SHC1: variants seen among roughly 807,000 people sequenced by gnomAD.
SHC1 encodes SHC-transforming protein 1.
Under a neutral mutation model 55.9 loss-of-function variants are expected in SHC1, and 30 were observed. The ratio of observed to expected loss-of-function variants is 0.54; its 90% CI spans 0.40 to 0.73. The LOEUF (loss-of-function observed/expected upper bound fraction) is 0.73, where lower values mean the gene tolerates loss of function less well. Ranked by LOEUF, SHC1 falls within the 30% of genes least tolerant of loss-of-function variation. The probability of loss-of-function intolerance (pLI) is 0.00; values close to 1 mark genes in which losing one functional copy is unlikely to be tolerated. For synonymous variants in SHC1, 309 were observed against 306.1 expected, an observed-to-expected ratio of 1.01 and a Z score of -0.10; for missense variants, 675 against 777.1, an observed-to-expected ratio of 0.87 and a Z score of 1.56.
At chr1:154,966,123 A>G (rs765059880) in intron 9 of SHC1, 39 bp downstream of exon 9, 1 of 1,614,032 alleles carries the variant, frequency 6.2e-7, no homozygotes, top group South Asian at 1.1e-5. Context: ...CCCTGCCTCC[A>G]ACACTCCCCA....
chr1:154,970,662 G>C lies in SHC1; in HGVS notation c.-136C>G, dbSNP rs1309709265. 1.5e-5 allele frequency: 9 copies of C among 602,960 alleles called. No homozygotes were observed. Among genetic ancestry groups the C allele is most frequent in the Non-Finnish European group, 2.0e-5 (7 of 345,238 alleles). 37.4% of individuals were successfully genotyped at this position (602,960 alleles called of 1,614,324 possible). A position where few individuals can be genotyped will look rare whatever the true frequency, so the allele number is the denominator to read the frequency against. The stretch of plus-strand genomic sequence containing the variant: ...CCAGGAGTCACAGAAGTCCTGGGGA[G>C]GGAGAGGGACAAGTGGCTTCCGCTC... On this transcript the variant is annotated 5_prime_UTR_variant, in exon 1 of 12. Coordinates refer to ENST00000448116, the MANE Select transcript of SHC1 (RefSeq NM_001130040.2). The surrounding 1 kb of genome is among the most constrained non-coding windows in gnomAD (Gnocchi z 5.5).
rs555840936 is a variant in SHC1, at chr1:154,969,358, T to C, written c.566+20A>G. 1 of 1,579,520 alleles carries C rather than the reference T, an allele frequency of 6.3e-7. No individual in the cohort carries two copies. The highest frequency in any genetic ancestry group is 2.3e-5 in the East Asian group (1 of 44,386). ...CTCACTAATCCCAGGACTCCCACAA[T>C]CCACTCCCTCCCCACTAACCTGGTG... On this transcript the variant is annotated intron_variant, in intron 2 of 11. Coordinates refer to ENST00000448116, the MANE Select transcript of SHC1 (RefSeq NM_001130040.2).
In SHC1 at chr1:154,970,684, G is replaced by T; in HGVS notation, c.-158C>A. ...GGAGGGAGAGGGACAAGTGGCTTCC[G>T]CTCCCCAGCTCAGACCCAGACAGTT... On this transcript the variant is annotated 5_prime_UTR_variant, in exon 1 of 12. Transcript: ENST00000448116. The surrounding 1 kb of genome is among the most constrained non-coding windows in gnomAD (Gnocchi z 5.5). 1 of 559,280 alleles carries T rather than the reference G, an allele frequency of 1.8e-6. No individual in the cohort carries two copies. Among genetic ancestry groups the T allele is most frequent in the South Asian group, 2.2e-5 (1 of 44,742 alleles). The allele number at this position is 559,280 out of a possible 1,614,324, so 34.6% of individuals were successfully genotyped here.
At chr1:154,968,353 G>T in intron 4 of SHC1, 96 bp from the exon 5 acceptor site, 1 of 1,541,314 alleles carries the variant, frequency 6.5e-7, no homozygotes, top group Non-Finnish European at 9.0e-7. Flanking sequence ...CATTCTCTGG[G>T]TTCCTTATCC....
Position 154,968,017 on chromosome 1 carries a change from A to C in SHC1, c.819T>G (p.Tyr273Ter). The C allele has an allele frequency of 6.2e-7, 1 of 1,614,186 alleles. No homozygotes were observed. Among genetic ancestry groups the C allele is most frequent in the Non-Finnish European group, 8.5e-7 (1 of 1,180,024 alleles). ...CAGGGTCTTTGGCAACATAGGCGAC[A>C]TACTCGGCTGTGTCCTGGGGAGGAA... is the stretch of plus-strand genomic sequence containing the variant. ...ASGGDPDTAE[Y>*]VAYVAKDPVN... Residue 273 changes from tyrosine to a stop codon, truncating the protein, a stop_gained, in exon 6 of 12, where the codon TAT (tyrosine) becomes TAG (stop). Transcript: ENST00000448116. LOFTEE classifies it high-confidence loss of function.
intron 11 of SHC1, 148 bp downstream of exon 11, chr1:154,965,395 T>C: frequency 1.2e-6 from 2 of 1,608,710 alleles, no homozygotes; most frequent in Non-Finnish European, 1.7e-6. Flanking sequence ...TGGAGGAAGA[T>C]GCCAGACACT....
intron 1 of SHC1, 89 bp downstream of exon 1, chr1:154,969,943 G>T: frequency 1.4e-6 from 2 of 1,411,264 alleles, no homozygotes; most frequent in Non-Finnish European, 2.0e-6. Context: ...TTGGGGAACA[G>T]CAGGAAAAAA....
chr1:154,966,421 C>G lies in SHC1; in HGVS notation c.1080G>C (p.Leu360Phe), dbSNP rs763340317. 21 of 1,613,142 alleles carry G rather than the reference C, an allele frequency of 1.3e-5. No homozygotes were observed. Among genetic ancestry groups the G allele is most frequent in the African/African-American group, 2.7e-5 (2 of 74,908 alleles). Residue 360 changes from leucine to phenylalanine, a missense_variant, in exon 8 of 12, where the codon TTG becomes TTC. Leu to Phe is a conservative substitution (Grantham distance 22). Coordinates refer to ENST00000448116, the MANE Select transcript of SHC1 (RefSeq NM_001130040.2). ...YNDFPGKEPP[L>F]GGVVDMRLRE... ...GAAGCCTCATGTCTACCACCCCCCC[C>G]AAGGGGGGTTCCTTCCCCGGGAAGT...
rs1472420080 is a variant in SHC1 at position 154,965,668 on chromosome 1, C to CCTCAGCCTCCCGCCGG, written c.1485_1500dup (p.Ala501ProfsTer5). 1 of 1,614,210 alleles carries CCTCAGCCTCCCGCCGG rather than the reference C, an allele frequency of 6.2e-7. No homozygotes were observed. ...AAGTCCCCATTGAGCTGCAGCAGTG[C>CCTCAGCCTCCCGCCGG]CTCAGCCTCCCGCCGGCTCAGCTTC... On this transcript the variant is annotated stop_gained and frameshift_variant, in exon 11 of 12. Coordinates refer to ENST00000448116, the MANE Select transcript of SHC1 (RefSeq NM_001130040.2). LOFTEE classifies it high-confidence loss of function.
chr1:154,963,646 C>T lies in SHC1; in HGVS notation c.*157G>A, dbSNP rs1376765813. The T allele has an allele frequency of 1.2e-5, 8 of 672,676 alleles. No homozygotes were observed. The highest frequency in any genetic ancestry group is 8.7e-5 in the Admixed American group (3 of 34,396). 41.7% of individuals were successfully genotyped at this position (672,676 alleles called of 1,614,324 possible). Reference sequence around the variant, plus strand: ...TCTCACCCAGGCTTTTGACTCAAACCCTCTCACTCAGCTGGATATGAAACC... The same window carrying T: ...TCTCACCCAGGCTTTTGACTCAAACTCTCTCACTCAGCTGGATATGAAACC... On this transcript the variant is annotated 3_prime_UTR_variant, in exon 12 of 12. Transcript: ENST00000448116.
chr1:154,971,672 C>T (rs2102179862), upstream of SHC1, among the ~76,000 whole-genome samples: 1 of 152,352 alleles, frequency 6.6e-6, no homozygotes, highest in South Asian at 2.1e-4. Flanking sequence ...GCATCCTTCA[C>T]ACCAGGGAAG....
chr1:154,972,288 T>C (rs989523870), upstream of SHC1, among the ~76,000 whole-genome samples: 9 of 151,900 alleles, frequency 5.9e-5, no homozygotes, highest in Admixed American at 1.3e-4. Context: ...ACCTTGGAAT[T>C]ACCCTTAGAT....
chr1:154,970,576 T>C lies in SHC1; in HGVS notation c.-50A>G, dbSNP rs1254558772. Reference sequence around the variant, plus strand: ...GCCCAGCCTGGCCCCCCTGCCAGTTTGGGCAAGGGGGCCAGGCAGGGGGTA... The same window carrying C: ...GCCCAGCCTGGCCCCCCTGCCAGTTCGGGCAAGGGGGCCAGGCAGGGGGTA... On this transcript the variant is annotated 5_prime_UTR_variant, in exon 1 of 12. Coordinates refer to ENST00000448116, the MANE Select transcript of SHC1 (RefSeq NM_001130040.2). The surrounding 1 kb of genome is among the most constrained non-coding windows in gnomAD (Gnocchi z 5.5). 1 of 1,440,316 alleles carries C rather than the reference T, an allele frequency of 6.9e-7. No individual in the cohort carries two copies. The highest frequency in any genetic ancestry group is 1.4e-5 in the African/African-American group (1 of 69,578). 89.2% of individuals were successfully genotyped at this position (1,440,316 alleles called of 1,614,324 possible).
Position 154,970,566 on chromosome 1 carries a change from C to A in SHC1, c.-40G>T. ...AGGGGCTGCTGCCCAGCCTGGCCCC[C>A]CTGCCAGTTTGGGCAAGGGGGCCAG... On this transcript the variant is annotated 5_prime_UTR_variant, in exon 1 of 12. Coordinates refer to ENST00000448116, the MANE Select transcript of SHC1 (RefSeq NM_001130040.2). This position sits in a 1 kb window ranked among gnomAD's most constrained non-coding sequence, Gnocchi z 5.5. 1 of 1,537,964 alleles carries A rather than the reference C, an allele frequency of 6.5e-7. No homozygotes were observed. Among genetic ancestry groups the A allele is most frequent in the Non-Finnish European group, 8.7e-7 (1 of 1,146,216 alleles).
intron 10 of SHC1, 24 bp from the exon 11 acceptor site, chr1:154,965,805 G>T (rs1453054116): frequency 6.3e-7 from 1 of 1,598,828 alleles, no homozygotes; most frequent in Non-Finnish European, 8.6e-7. Flanking sequence ...GGGAGGGTGA[G>T]GGGAAGTAGC....
rs760767057 is a variant in SHC1, at chr1:154,970,034, G to T, written c.493C>A (p.Arg165=). The T allele has an allele frequency of 6.2e-7, 1 of 1,613,822 alleles. No homozygotes were observed. The highest frequency in any genetic ancestry group is 1.7e-5 in the Admixed American group (1 of 60,008). ...VMGPGVSYLV[R]YMGCVEVLQS... ...TGGAGAGGAGGATGTTCACTCACCC[G>T]AACCAAGTAGGAAACCCCGGGTCCC... The change falls in exon 1 of 12, where the codon CGG becomes AGG. Residue 165 remains arginine (R), a splice_region_variant and synonymous_variant. Transcript: ENST00000448116. This position sits in a 1 kb window ranked among gnomAD's most constrained non-coding sequence, Gnocchi z 5.5.
In SHC1 at chr1:154,963,862, G is replaced by C; in HGVS notation, c.1696C>G (p.Pro566Ala). 1 of 1,613,702 alleles carries C rather than the reference G, an allele frequency of 6.2e-7. No individual in the cohort carries two copies. The highest frequency in any genetic ancestry group is 8.5e-7 in the Non-Finnish European group (1 of 1,179,552). Residue 566 changes from proline (P) to alanine (A), a missense_variant, in exon 12 of 12, where the codon CCC (proline) becomes GCC (alanine). Physicochemically the swap from Pro to Ala is conservative, Grantham distance 27. Around this residue, in one of 3 missense-constraint regions of SHC1, gnomAD observed 360 missense variants for 371.1 expected, o/e 0.97. Transcript: ENST00000448116. ...AGTTCGCTGCCCGCAGAGATGATGG[G>C]CAAGTGATTGTCCATGTGGTAGCTG... is the stretch of plus-strand genomic sequence containing the variant. ...LISYHMDNHL[P>A]IISAGSELCL... is the part of the protein sequence containing the mutation.
chr1:154,969,981 T>C, intron 1 of SHC1, 51 bp downstream of exon 1: 3 of 1,600,834 alleles, frequency 1.9e-6, no homozygotes, highest in Non-Finnish European at 2.6e-6. Flanking sequence ...GGAGTGAGCA[T>C]TAGAACTGGA....
chr1:154,972,188 T>C (rs1361754256), upstream of SHC1, among the ~76,000 whole-genome samples: 1 of 150,160 alleles, frequency 6.7e-6, no homozygotes, highest in Admixed American at 6.7e-5. Flanking sequence ...GAGGTTGCAG[T>C]GAGCCGAGAT....
Sources: allele counts gnomAD v4.1 joint callset (sites outside exome capture counted in the v4.1 genomes callset), GRCh38; gene constraint gnomAD v4.1.1; regional missense constraint gnomAD v4.1.1; non-coding constraint Gnocchi (gnomAD v3.1); transcripts MANE v1.5; gene names NCBI Gene and HGNC (gene_info 2026-07-23, HGNC 2026-07-21).